Variants in TEDC2 observed in about 807,000 individuals in gnomAD.
The protein encoded by TEDC2 is tubulin epsilon and delta complex protein 2.
In TEDC2, 49 loss-of-function variants were observed where a neutral mutation model predicts 48.1. The observed-to-expected ratio is 1.02, with a 90% CI of 0.81 to 1.29. The LOEUF (loss-of-function observed/expected upper bound fraction) is 1.29, where lower values mean the gene tolerates loss of function less well. Ranked by LOEUF, TEDC2 falls within the 50% of genes most tolerant of loss-of-function variation. TEDC2 has a pLI of 0.00. For synonymous variants in TEDC2, 299 were observed against 247.1 expected (o/e 1.21, Z -1.97); for missense variants, 631 against 571.4 (o/e 1.10, Z -1.06).
chr16:2,460,562 C>T, intron 2 of TEDC2, 61 bp from the exon 3 acceptor site: 2 of 1,597,706 alleles, frequency 1.3e-6, no homozygotes, highest in Non-Finnish European at 1.7e-6. Flanking sequence ...GCGGCCCCCT[C>T]GGGTCTGTTT....
rs199781969 is a variant in TEDC2, at chr16:2,464,208, C to G, written c.1134C>G (p.Asp378Glu). ...TCAAGCTGCGAGTGGCTGTGCTGGA[C>G]CAGCAGATCCACTTGGAAAAGGTGC... is the stretch of plus-strand genomic sequence containing the variant. The part of the protein sequence containing the change: ...AALKLRVAVL[D>E]QQIHLEKVLM... The change falls in exon 9 of 10, where the codon GAC becomes GAG. Residue 378 changes from aspartate (D) to glutamate (E), a missense_variant. By Grantham distance (45) the Asp-to-Glu change is conservative. Transcript: ENST00000361837. The G allele has an allele frequency of 5.5e-4, 887 of 1,611,926 alleles. 5 individuals carry two copies. In the African/African-American group the frequency reaches 0.011, roughly 19 times the overall value.
At chr16:2,463,771 A>T (rs1216575399) in intron 8 of TEDC2, among the ~76,000 whole-genome samples, 1 of 152,216 alleles carries the variant, frequency 6.6e-6, no homozygotes, top group African/African-American at 2.4e-5. Context: ...GTGAAGATAC[A>T]TCATTTGTCA....
Position 2,460,270 on chromosome 16 carries a change from G to C in TEDC2, c.27-13G>C, listed in dbSNP as rs978924630. 1 of 1,519,416 alleles carries C rather than the reference G, an allele frequency of 6.6e-7. No homozygotes were observed. Among genetic ancestry groups the C allele is most frequent in the Non-Finnish European group, 8.8e-7 (1 of 1,139,854 alleles). The allele number at this position is 1,519,416 out of a possible 1,614,324, so 94.1% of individuals were successfully genotyped here. A position where few individuals can be genotyped will look rare whatever the true frequency, so the allele number is the denominator to read the frequency against. On this transcript the variant is annotated splice_polypyrimidine_tract_variant and intron_variant, in intron 1 of 9. Transcript: ENST00000361837. ...CGCTGGCCGAGGTGCTGAGCCGCCG[G>C]TGCGTCCCCCAGGCTGGTGGCCGAG...
In TEDC2 at chr16:2,462,537, C is replaced by A; in HGVS notation, c.862+11C>A. 6.3e-7 allele frequency: 1 copy of A among 1,589,256 alleles called. No homozygotes were observed. Reference sequence around the variant, plus strand: ...AGGAGCTCTCGGCAGGTCAGTGGGTCCTGGGTCTGTATCAGGAGGAGTGTG... The same window carrying A: ...AGGAGCTCTCGGCAGGTCAGTGGGTACTGGGTCTGTATCAGGAGGAGTGTG... On this transcript the variant is annotated intron_variant, in intron 7 of 9. Transcript: ENST00000361837.
At position 2,460,926 on chromosome 16, in the gene TEDC2, G is replaced by T. The variant is rs963837589; in HGVS notation, c.307G>T (p.Ala103Ser). The T allele has an allele frequency of 6.2e-7, 1 of 1,613,534 alleles. No individual in the cohort carries two copies. The highest frequency in any genetic ancestry group is 8.5e-7 in the Non-Finnish European group (1 of 1,180,008). ...GITKAGERDK[A>S]PSLKSRSIVT... ...CACTAAGGCCGGAGAGAGAGACAAGGCCCCCAGCCTGAAATCTAGGTCCAT... is the reference window on the plus strand; with the variant it reads ...CACTAAGGCCGGAGAGAGAGACAAGTCCCCCAGCCTGAAATCTAGGTCCAT... Residue 103 changes from alanine (A) to serine (S), a missense_variant, in exon 4 of 10, where the codon GCC becomes TCC. Physicochemically the swap from Ala to Ser is moderately conservative, Grantham distance 99 (BLOSUM62 1). Transcript: ENST00000361837.
Position 2,464,898 on chromosome 16 carries a change from C to T in TEDC2, c.*230C>T, listed in dbSNP as rs568737891. 1.7e-6 allele frequency: 1 copy of T among 581,964 alleles called. No individual in the cohort carries two copies. The highest frequency in any genetic ancestry group is 3.0e-5 in the East Asian group (1 of 33,098). 36.1% of individuals were successfully genotyped at this position (581,964 alleles called of 1,614,324 possible). A position where few individuals can be genotyped will look rare whatever the true frequency, so the allele number is the denominator to read the frequency against. On this transcript the variant is annotated 3_prime_UTR_variant, in exon 10 of 10. Coordinates refer to ENST00000361837, the MANE Select transcript of TEDC2 (RefSeq NM_025108.3). ...GCCAGCGGGGAGCCTTTCCTGGCTC[C>T]CTCTGTTTTCTCTCACTGTAGACCA... is the stretch of plus-strand genomic sequence containing the variant.
Position 2,464,899 on chromosome 16 carries a change from C to T in TEDC2, c.*231C>T, listed in dbSNP as rs2065491115. ...CCAGCGGGGAGCCTTTCCTGGCTCC[C>T]TCTGTTTTCTCTCACTGTAGACCAA... On this transcript the variant is annotated 3_prime_UTR_variant, in exon 10 of 10. Coordinates refer to ENST00000361837, the MANE Select transcript of TEDC2 (RefSeq NM_025108.3). 13 of 577,482 alleles carry T rather than the reference C, an allele frequency of 2.3e-5. No homozygotes were observed. The South Asian group carries it at 2.3e-4, about 10-fold the overall frequency. 35.8% of individuals were successfully genotyped at this position (577,482 alleles called of 1,614,324 possible). A position where few individuals can be genotyped will look rare whatever the true frequency, so the allele number is the denominator to read the frequency against.
chr16:2,462,191 G>C lies in TEDC2; in HGVS notation c.702G>C (p.Thr234=). The C allele has an allele frequency of 6.2e-7, 1 of 1,613,322 alleles. No individual in the cohort carries two copies. The highest frequency in any genetic ancestry group is 1.3e-5 in the African/African-American group (1 of 75,062). ...GTTCCACACAGACCAGTGATTCCACGGATGCCGCCGCTGCCAAAACCCAGT... is the reference window on the plus strand; with the variant it reads ...GTTCCACACAGACCAGTGATTCCACCGATGCCGCCGCTGCCAAAACCCAGT... ...QLSSTQTSDS[T]DAAAAKTQFL... Residue 234 remains threonine (T), a synonymous_variant, in exon 6 of 10, where the codon ACG becomes ACC. Coordinates refer to ENST00000361837, the MANE Select transcript of TEDC2 (RefSeq NM_025108.3).
Position 2,460,817 on chromosome 16 carries a change from A to T in TEDC2, c.198A>T (p.Ala66=), listed in dbSNP as rs1487139755. The change falls in exon 4 of 10, where the codon GCA becomes GCT. Residue 66 remains alanine (A), a splice_region_variant and synonymous_variant. Transcript: ENST00000361837. ...PETNGEDPLP[A]CTPSPQDLKE... is the part of the protein sequence containing the mutation. The stretch of plus-strand genomic sequence containing the variant: ...CTGCATAATTCTTGGCTTTCACAGC[A>T]TGCACACCCAGTCCACAAGACCTCA... 6.2e-7 allele frequency: 1 copy of T among 1,611,598 alleles called. No individual in the cohort carries two copies. The highest frequency in any genetic ancestry group is 1.7e-5 in the Admixed American group (1 of 59,958).
chr16:2,464,250 G>T (rs1440445644), intron 9 of TEDC2, 21 bp downstream of exon 9: 1 of 1,607,116 alleles, frequency 6.2e-7, no homozygotes, highest in Non-Finnish European at 8.5e-7. Context: ...AAGAGGAGGT[G>T]GGGGTGCAAC....
intron 8 of TEDC2, 113 bp from the exon 9 acceptor site, chr16:2,463,925 CT>C: frequency 1.6e-6 from 2 of 1,215,052 alleles, no homozygotes; most frequent in South Asian, 3.1e-5. Context: ...GAAAGCCCAC[CT>C]TTCTCCTAAA....
At chr16:2,462,822 G>A in intron 8 of TEDC2, 90 bp downstream of exon 8, 1 of 1,256,024 alleles carries the variant, frequency 8.0e-7, no homozygotes, top group Non-Finnish European at 1.1e-6. Context: ...CTCAGGGAAG[G>A]GTGAGCAGCC....
chr16:2,461,693 C>G, intron 4 of TEDC2, 54 bp from the exon 5 acceptor site: 1 of 1,605,976 alleles, frequency 6.2e-7, no homozygotes, highest in Non-Finnish European at 8.5e-7. Flanking sequence ...GGAAGTGGGA[C>G]TTGTAGACCC....
chr16:2,464,640 C>A lies in TEDC2; in HGVS notation c.1274C>A (p.Thr425Asn), dbSNP rs757386894. The change falls in exon 10 of 10, where the codon ACC becomes AAC. Residue 425 changes from threonine (T) to asparagine (N), a missense_variant. Coordinates refer to ENST00000361837, the MANE Select transcript of TEDC2 (RefSeq NM_025108.3). ...TGCGAGGGAGGAGCACGTGTCCTTA[C>A]CATCCTGCGGGATGAACCTGCAGTC... is the stretch of plus-strand genomic sequence containing the variant. ...LLCEGGARVL[T>N]ILRDEPAV 2.5e-6 allele frequency: 4 copies of A among 1,613,032 alleles called. No homozygotes were observed. Among genetic ancestry groups the A allele is most frequent in the East Asian group, 2.2e-5 (1 of 44,878 alleles).
chr16:2,462,279 G>T (rs776007235), intron 6 of TEDC2, 40 bp downstream of exon 6: 8 of 1,609,660 alleles, frequency 5.0e-6, no homozygotes, highest in Non-Finnish European at 6.8e-6. Flanking sequence ...GGGGCCTCTA[G>T]CTCTGAACCT....
rs2065462285 is a variant in TEDC2, at chr16:2,460,900, T to C, written c.281T>C (p.Ile94Thr). Reference protein sequence around the residue: ...LEKAVRVRRGITKAGERDKAP... With the variant: ...LEKAVRVRRGTTKAGERDKAP... ...AAGGCTGTACGAGTTCGAAGAGGCA[T>C]CACTAAGGCCGGAGAGAGAGACAAG... The change falls in exon 4 of 10, where the codon ATC (isoleucine) becomes ACC (threonine). Residue 94 changes from isoleucine (I) to threonine (T), a missense_variant. Coordinates refer to ENST00000361837, the MANE Select transcript of TEDC2 (RefSeq NM_025108.3). 6.2e-7 allele frequency: 1 copy of C among 1,613,552 alleles called. No homozygotes were observed. Among genetic ancestry groups the C allele is most frequent in the Non-Finnish European group, 8.5e-7 (1 of 1,180,002 alleles).
intron 8 of TEDC2, among the ~76,000 whole-genome samples, chr16:2,463,559 AGAGATTGCAGTGAGCT>A (rs1268283485): frequency 6.7e-6 from 1 of 149,254 alleles, no homozygotes; most frequent in Non-Finnish European, 1.5e-5. Context: ...TCCAGAAGGC[AGAGATTGCAGTGAGCT>A]GAGATTGCAC....
At chr16:2,461,450 T>G (rs2065466203) in intron 4 of TEDC2, 1 of 666,610 alleles carries the variant, frequency 1.5e-6, no homozygotes, top group African/African-American at 1.8e-5. Flanking sequence ...TCCTCTCTTC[T>G]CTGTGGCTGT....
In TEDC2 at chr16:2,460,920, G is replaced by A; in HGVS notation, c.301G>A (p.Asp101Asn). The A allele has an allele frequency of 6.2e-7, 1 of 1,613,616 alleles. No homozygotes were observed. The highest frequency in any genetic ancestry group is 8.5e-7 in the Non-Finnish European group (1 of 1,180,014). The change falls in exon 4 of 10, where the codon GAC (aspartate) becomes AAC (asparagine). Residue 101 changes from aspartate (D) to asparagine (N), a missense_variant. By Grantham distance (23) the Asp-to-Asn change is conservative (BLOSUM62 1). Transcript: ENST00000361837. Reference sequence around the variant, plus strand: ...AGGCATCACTAAGGCCGGAGAGAGAGACAAGGCCCCCAGCCTGAAATCTAG... The same window carrying A: ...AGGCATCACTAAGGCCGGAGAGAGAAACAAGGCCCCCAGCCTGAAATCTAG... Reference protein sequence around the residue: ...RRGITKAGERDKAPSLKSRSI... With the variant: ...RRGITKAGERNKAPSLKSRSI...
Sources: allele counts gnomAD v4.1 joint callset (sites outside exome capture counted in the v4.1 genomes callset), GRCh38; gene constraint gnomAD v4.1.1; transcripts MANE v1.5; gene names NCBI Gene and HGNC (gene_info 2026-07-23, HGNC 2026-07-21).